Variants in LSAMP observed in about 807,000 individuals in gnomAD.
The protein encoded by LSAMP is limbic system associated membrane protein, also known as limbic system-associated membrane protein.
LSAMP carries 7 observed loss-of-function variants against 38.6 expected under a neutral mutation model. That is an observed-to-expected ratio of 0.18 (90% CI 0.10 to 0.34). LSAMP has a LOEUF of 0.34. Among genes scored for constraint, LSAMP ranks in the 10% least tolerant of loss-of-function variants. The pLI is 1.00. For synonymous variants in LSAMP, 154 were observed against 166.8 expected, an observed-to-expected ratio of 0.92 and a Z score of 0.59; for missense variants, 313 against 420.0, an observed-to-expected ratio of 0.75 and a Z score of 2.23.
intron 3 of LSAMP, among the ~76,000 whole-genome samples, chr3:115,872,652 G>T (rs544144962): frequency 1.3e-5 from 2 of 152,114 alleles, no homozygotes; most frequent in African/African-American, 4.8e-5. Flanking sequence ...AAAGAGGAAA[G>T]AACGTAAGTA....
chr3:116,025,447 TTTG>T (rs1220688098), intron 2 of LSAMP, among the ~76,000 whole-genome samples: 1 of 152,194 alleles, frequency 6.6e-6, no homozygotes, highest in Non-Finnish European at 1.5e-5. Flanking sequence ...TTAAAGCTTC[TTTG>T]TTGTTGTATC....
chr3:116,212,947 T>C (rs964469412), intron 1 of LSAMP, among the ~76,000 whole-genome samples: 3 of 152,176 alleles, frequency 2.0e-5, no homozygotes, highest in African/African-American at 7.2e-5. Flanking sequence ...GTAAAGACCT[T>C]AAGTTTCATC....
intron 3 of LSAMP, among the ~76,000 whole-genome samples, chr3:115,898,020 A>C (rs1234797168): frequency 6.6e-6 from 1 of 152,144 alleles, no homozygotes; most frequent in Non-Finnish European, 1.5e-5. Flanking sequence ...ATGCTAGTCC[A>C]TGATATCCCT....
intron 2 of LSAMP, among the ~76,000 whole-genome samples, chr3:116,049,208 A>G (rs1475627625): frequency 6.6e-6 from 1 of 152,202 alleles, no homozygotes; most frequent in East Asian, 1.9e-4. Flanking sequence ...GCCAAACAGA[A>G]TCAGAAAGCA....
At chr3:116,149,160 A>G (rs1222658140) in intron 1 of LSAMP, among the ~76,000 whole-genome samples, 1 of 151,992 alleles carries the variant, frequency 6.6e-6, no homozygotes, top group Non-Finnish European at 1.5e-5. Flanking sequence ...AGTTCACAGT[A>G]TGGCCCTCAT....
intron 1 of LSAMP, among the ~76,000 whole-genome samples, chr3:116,394,680 G>A (rs1044505556): frequency 1.3e-5 from 2 of 148,750 alleles, no homozygotes; most frequent in Non-Finnish European, 3.0e-5. Context: ...TTGATATCAA[G>A]TGACTTTTTA....
At chr3:115,999,009 G>A (rs1939909150) in intron 3 of LSAMP, among the ~76,000 whole-genome samples, 1 of 152,116 alleles carries the variant, frequency 6.6e-6, no homozygotes, top group South Asian at 2.1e-4. Context: ...AAAGCAAAAA[G>A]CATTTAAAAA....
chr3:115,942,839 C>T (rs914659768), intron 3 of LSAMP, among the ~76,000 whole-genome samples: 2 of 152,032 alleles, frequency 1.3e-5, no homozygotes, highest in Non-Finnish European at 2.9e-5. Flanking sequence ...AGGTTTATGT[C>T]GACGGTGAAA....
intron 1 of LSAMP, among the ~76,000 whole-genome samples, chr3:116,273,707 T>TATATATATATATATATATAC (rs1307543165): frequency 6.8e-5 from 7 of 102,606 alleles, no homozygotes; most frequent in African/African-American, 2.4e-4. Flanking sequence ...TATATATATA[T>TATATATATATATATATATAC]ACACACACAC....
intron 3 of LSAMP, among the ~76,000 whole-genome samples, chr3:115,916,934 C>T (rs958082077): frequency 6.6e-6 from 1 of 152,126 alleles, no homozygotes; most frequent in African/African-American, 2.4e-5. Flanking sequence ...GTAATAGTCT[C>T]CTTACAAAGG....
chr3:115,935,245 G>T, intron 3 of LSAMP, among the ~76,000 whole-genome samples: 1 of 152,192 alleles, frequency 6.6e-6, no homozygotes, highest in African/African-American at 2.4e-5. Context: ...GTTTTGTACT[G>T]TGCTCAGTTT....
chr3:116,127,673 G>A (rs866631019), intron 1 of LSAMP, among the ~76,000 whole-genome samples: 6 of 147,420 alleles, frequency 4.1e-5, no homozygotes, highest in Admixed American at 6.8e-5. Flanking sequence ...AAGCTGAGTC[G>A]GCAAGTTTTC....
chr3:116,108,715 C>T (rs1708527477), intron 1 of LSAMP, among the ~76,000 whole-genome samples: 1 of 152,146 alleles, frequency 6.6e-6, no homozygotes. Context: ...TGGGACGTGG[C>T]TTAGGAGAAA....
At chr3:116,249,286 G>T (rs1187692134) in intron 1 of LSAMP, among the ~76,000 whole-genome samples, 3 of 152,000 alleles carry the variant, frequency 2.0e-5, no homozygotes, top group African/African-American at 7.3e-5. Flanking sequence ...CTCTTTATCT[G>T]ATATTTTTTT....
At chr3:115,905,246 T>A (rs1936980111) in intron 3 of LSAMP, among the ~76,000 whole-genome samples, 1 of 152,094 alleles carries the variant, frequency 6.6e-6, no homozygotes, top group African/African-American at 2.4e-5. Flanking sequence ...GAAAAGTTTC[T>A]CACAAGTTTG....
intron 2 of LSAMP, among the ~76,000 whole-genome samples, chr3:116,056,309 G>C (rs991472347): frequency 1.4e-4 from 22 of 152,032 alleles, no homozygotes; most frequent in African/African-American, 7.2e-5. Flanking sequence ...TCTCATATTA[G>C]GGATGAATCA....
chr3:116,302,147 A>C (rs2047418700), intron 1 of LSAMP, among the ~76,000 whole-genome samples: 2 of 152,236 alleles, frequency 1.3e-5, no homozygotes, highest in Admixed American at 1.3e-4. Flanking sequence ...TGCAATAGAA[A>C]AGATCCACTT....
At chr3:116,340,180 A>C (rs1300430558) in intron 1 of LSAMP, among the ~76,000 whole-genome samples, 6 of 152,062 alleles carry the variant, frequency 3.9e-5, no homozygotes, top group Non-Finnish European at 7.4e-5. Context: ...TCAGAAGACA[A>C]GTTTTCTAAA....
rs145349418 is a variant in LSAMP at position 116,055,446 on chromosome 3, G to C, written c.388+30878C>G. ...TAGTTTAATAATTAGAAATGAATGT[G>C]AGGATTTGAGGAGTCTATTTAGAAT... On this transcript the variant is annotated intron_variant, in intron 2 of 6. Transcript: ENST00000490035. 5.9e-5 allele frequency among the ~76,000 whole-genome samples: 9 copies of C among 152,274 alleles called. No individual in the cohort carries two copies. The East Asian group carries it at 1.7e-3, about 29-fold the overall frequency.
Sources: allele counts gnomAD v4.1 joint callset (sites outside exome capture counted in the v4.1 genomes callset), GRCh38; gene constraint gnomAD v4.1.1; transcripts MANE v1.5; gene names NCBI Gene and HGNC (gene_info 2026-07-23, HGNC 2026-07-21).